The following CEP70 variants were observed in gnomAD, a reference collection of about 807,000 sequenced individuals.
CEP70 encodes the protein centrosomal protein 70.
Under a neutral mutation model 90.9 loss-of-function variants are expected in CEP70, and 70 were observed. The observed-to-expected ratio is 0.77, with a 90% CI of 0.64 to 0.94. The LOEUF is 0.94. CEP70 is among the 40% of genes least tolerant of loss of function. The pLI, the probability that CEP70 is intolerant of heterozygous loss-of-function variation, is 0.00. For synonymous variants in CEP70, 220 were observed against 228.3 expected (o/e 0.96, Z 0.33); for missense variants, 648 against 669.0 (o/e 0.97, Z 0.35).
At chr3:138,551,059 C>T (rs1052785924) in intron 6 of CEP70, among the ~76,000 whole-genome samples, 3 of 152,152 alleles carry the variant, frequency 2.0e-5, no homozygotes, top group African/African-American at 7.2e-5. Context: ...TGCCTAGGCA[C>T]ATTGTCATCA....
At chr3:138,542,720 C>T (rs115505756) in intron 6 of CEP70, among the ~76,000 whole-genome samples, 1,874 of 152,298 alleles carry the variant, frequency 0.012, 37 homozygotes, top group African/African-American at 0.041. Flanking sequence ...ACGCACAGCC[C>T]GGCGAGTCGG....
At chr3:138,562,955 C>T (rs1455466510) in intron 6 of CEP70, among the ~76,000 whole-genome samples, 2 of 152,014 alleles carry the variant, frequency 1.3e-5, no homozygotes, top group Non-Finnish European at 2.9e-5. Context: ...ATTCAGGAGA[C>T]CCATCTCACT....
intron 2 of CEP70, among the ~76,000 whole-genome samples, chr3:138,581,281 CAAA>C (rs549088013): frequency 8.3e-5 from 5 of 60,222 alleles, no homozygotes; most frequent in Non-Finnish European, 3.5e-5. Context: ...GACTCCATCT[CAAA>C]AAAAAAAAAA....
rs193246626 is a variant in CEP70 at position 138,562,522 on chromosome 3, C to T, written c.465+7796G>A. ...CTAACACCAGATCTCTCTCCAGAAA[C>T]CCTACAAGCCAGAGGAGAGTGGGGG... On this transcript the variant is annotated intron_variant, in intron 6 of 17. Coordinates refer to ENST00000264982, the MANE Select transcript of CEP70 (RefSeq NM_024491.4). Among the ~76,000 whole-genome samples, 5 of 152,320 alleles carry T rather than the reference C, an allele frequency of 3.3e-5. No individual in the cohort carries two copies. In the East Asian group the frequency reaches 9.6e-4, roughly 29 times the overall value.
At position 138,569,633 on chromosome 3, in the gene CEP70, C is replaced by T. The variant is rs138616051; in HGVS notation, c.465+685G>A. On this transcript the variant is annotated intron_variant, in intron 6 of 17. Transcript: ENST00000264982. ...CTGTAATCCCAGCACTTTGGGAGGC[C>T]GAGGCAGGCGGATCACTTGAGCTCA... is the stretch of plus-strand genomic sequence containing the variant. Among the ~76,000 whole-genome samples the T allele has an allele frequency of 4.8e-3, 730 of 152,116 alleles. 4 individuals are homozygous for T. The highest frequency in any genetic ancestry group is 0.017 in the African/African-American group (695 of 41,488).
chr3:138,508,794 C>T (rs565191297), intron 11 of CEP70, among the ~76,000 whole-genome samples: 7 of 151,012 alleles, frequency 4.6e-5, no homozygotes, highest in Non-Finnish European at 1.0e-4. Context: ...AGTGCAGTGG[C>T]GCAATCTCGG....
intron 12 of CEP70, among the ~76,000 whole-genome samples, chr3:138,507,688 C>G (rs2035110589): frequency 6.6e-6 from 1 of 151,976 alleles, no homozygotes; most frequent in Admixed American, 6.6e-5. Context: ...AATTCAGGTA[C>G]GAGTATAAAT....
intron 1 of CEP70, chr3:138,593,816 G>C (rs1416446311): frequency 6.6e-6 from 1 of 152,162 alleles, no homozygotes; most frequent in Non-Finnish European, 1.5e-5. Flanking sequence ...TCGATTTTGG[G>C]GGATGGAGTA....
At chr3:138,571,208 A>C (rs1393032645) in intron 4 of CEP70, 51 bp from the exon 5 acceptor site, 2 of 1,555,968 alleles carry the variant, frequency 1.3e-6, no homozygotes, top group East Asian at 4.6e-5. Context: ...AGGCAAAAAA[A>C]ATTTTTTAAG....
chr3:138,545,486 CAT>C (rs1486909862), intron 6 of CEP70, among the ~76,000 whole-genome samples: 10 of 152,108 alleles, frequency 6.6e-5, no homozygotes, highest in East Asian at 1.9e-4. Flanking sequence ...GATTGTAAAA[CAT>C]GTGTGTTTGA....
At position 138,537,240 on chromosome 3, in the gene CEP70, G is replaced by C; in HGVS notation, c.573C>G (p.Val191=). ...GATAGGCAAACACTCTGTTTTGAGT[G>C]ACAATGCGATCTTCTTCCTCCTTTT... ...RLKKEEEDRI[V]TQNRVFAYLC... Residue 191 remains valine, a synonymous_variant, in exon 7 of 18, where the codon GTC becomes GTG. Coordinates refer to ENST00000264982, the MANE Select transcript of CEP70 (RefSeq NM_024491.4). 2 of 1,606,494 alleles carry C rather than the reference G, an allele frequency of 1.2e-6. No homozygotes were observed. The highest frequency in any genetic ancestry group is 1.7e-6 in the Non-Finnish European group (2 of 1,176,906).
In CEP70 at chr3:138,570,491, G is replaced by T. The variant is rs777996375; in HGVS notation, c.292C>A (p.Leu98Ile). 6.2e-7 allele frequency: 1 copy of T among 1,603,214 alleles called. No individual in the cohort carries two copies. Among genetic ancestry groups the T allele is most frequent in the Non-Finnish European group, 8.5e-7 (1 of 1,176,678 alleles). Residue 98 changes from leucine (L) to isoleucine (I), a missense_variant, in exon 6 of 18, where the codon CTT becomes ATT. Leu to Ile is a conservative substitution (Grantham distance 5). Coordinates refer to ENST00000264982, the MANE Select transcript of CEP70 (RefSeq NM_024491.4). ...GCTGCTCGGCTTTGCTCTAGCTGAAGTTCATTTCTAAGTTAATAGACATAC... is the reference window on the plus strand; with the variant it reads ...GCTGCTCGGCTTTGCTCTAGCTGAATTTCATTTCTAAGTTAATAGACATAC... ...IETNQQLRNE[L>I]QLEQSRAANQ...
At chr3:138,577,734 T>C (rs952503873) in intron 2 of CEP70, among the ~76,000 whole-genome samples, 6 of 152,112 alleles carry the variant, frequency 3.9e-5, no homozygotes, top group Non-Finnish European at 7.3e-5. Flanking sequence ...CACATGGTAC[T>C]TGACAATATG....
chr3:138,570,440 A>C lies in CEP70; in HGVS notation c.343T>G (p.Leu115Val), dbSNP rs764909043. ...AANQEQRAND[L>V]EQIMESVKSK... ...TTCACACTTTCCATAATTTGTTCCA[A>C]GTCATTAGCTCGTTGTTCTTGATTG... Residue 115 changes from leucine (L) to valine (V), a missense_variant, in exon 6 of 18, where the codon TTG becomes GTG. Coordinates refer to ENST00000264982, the MANE Select transcript of CEP70 (RefSeq NM_024491.4). The C allele has an allele frequency of 6.2e-6, 10 of 1,610,470 alleles. No individual in the cohort carries two copies. Among genetic ancestry groups the C allele is most frequent in the South Asian group, 2.2e-5 (2 of 90,166 alleles).
chr3:138,586,037 A>G (rs1001148274), intron 2 of CEP70, among the ~76,000 whole-genome samples: 11 of 152,214 alleles, frequency 7.2e-5, no homozygotes, highest in African/African-American at 2.7e-4. Flanking sequence ...GTGGGGTCAC[A>G]TTGAGTTAAA....
intron 6 of CEP70, among the ~76,000 whole-genome samples, chr3:138,544,368 A>C (rs2039015307): frequency 6.6e-6 from 1 of 152,108 alleles, no homozygotes; most frequent in Non-Finnish European, 1.5e-5. Flanking sequence ...AAAAAAAAAA[A>C]AAGTACTGGT....
chr3:138,534,316 CTT>C (rs890713210), intron 7 of CEP70, among the ~76,000 whole-genome samples: 2 of 152,124 alleles, frequency 1.3e-5, no homozygotes, highest in Non-Finnish European at 2.9e-5. Flanking sequence ...CCCAATTACT[CTT>C]TTTCTCTTCA....
At chr3:138,522,194 A>G (rs1435597069) in intron 11 of CEP70, among the ~76,000 whole-genome samples, 1 of 152,006 alleles carries the variant, frequency 6.6e-6, no homozygotes, top group Non-Finnish European at 1.5e-5. Context: ...CTTTGTTCAC[A>G]TGTTTATCTG....
chr3:138,496,278 C>T (rs2033951051), intron 17 of CEP70: 2 of 985,296 alleles, frequency 2.0e-6, no homozygotes, highest in Admixed American at 6.1e-5. Context: ...TTCACTTAGC[C>T]TACACACATA....
Sources: gnomAD v4.1 joint callset for allele counts (sites outside exome capture counted in the v4.1 genomes callset) on GRCh38, gnomAD v4.1.1 for gene constraint, MANE v1.5 for transcripts, NCBI Gene and HGNC (gene_info 2026-07-23, HGNC 2026-07-21) for gene names.